Variants in TBC1D5 observed in about 807,000 individuals in gnomAD.
TBC1D5 encodes TBC1 domain family member 5.
In TBC1D5, 75 loss-of-function variants were observed where a neutral mutation model predicts 100.3. That is an observed-to-expected ratio of 0.75 (90% confidence interval 0.62 to 0.91). The LOEUF is 0.91. TBC1D5 is among the 40% of genes least tolerant of loss of function. The pLI is 0.00. For synonymous variants in TBC1D5, 323 were observed against 325.6 expected (o/e 0.99, Z 0.09); for missense variants, 910 against 942.4 (o/e 0.97, Z 0.45).
chr3:17,261,820 G>A (rs1316953605), intron 15 of TBC1D5, among the ~76,000 whole-genome samples: 1 of 150,764 alleles, frequency 6.6e-6, no homozygotes, highest in Non-Finnish European at 1.5e-5. Context: ...ACCACGCTTG[G>A]CTAATATTTG....
intron 4 of TBC1D5, among the ~76,000 whole-genome samples, chr3:17,419,171 G>A (rs114449126): frequency 0.022 from 3,412 of 152,262 alleles, 122 homozygotes; most frequent in African/African-American, 0.077. Flanking sequence ...AAAAACTTTT[G>A]CCAATAACTT....
rs2074164181 is a variant in TBC1D5, at chr3:17,706,344, T to C, written c.-101+32999A>G. On this transcript the variant is annotated intron_variant, in intron 1 of 21. Transcript: ENST00000253692. ...CTGTATACCTTTGTGAAAGAGCACA[T>C]ATTTTATATTTGAAGGAAAGCTAAT... 3.9e-6 allele frequency: 5 copies of C among 1,293,136 alleles called. No homozygotes were observed. The South Asian group carries it at 7.6e-5, about 20-fold the overall frequency. The allele number at this position is 1,293,136 out of a possible 1,614,324, so 80.1% of individuals were successfully genotyped here. A position where few individuals can be genotyped will look rare whatever the true frequency, so the allele number is the denominator to read the frequency against.
chr3:17,192,897 G>T (rs1250660263), intron 18 of TBC1D5, among the ~76,000 whole-genome samples: 1 of 152,232 alleles, frequency 6.6e-6, no homozygotes, highest in African/African-American at 2.4e-5. Context: ...CCGACAGGAT[G>T]GGTTTTCATA....
intron 13 of TBC1D5, among the ~76,000 whole-genome samples, chr3:17,316,138 T>A (rs1043185430): frequency 6.6e-6 from 1 of 152,166 alleles, no homozygotes; most frequent in Admixed American, 6.5e-5. Flanking sequence ...CATTGCCCAT[T>A]TGCATGTTCA....
intron 1 of TBC1D5, among the ~76,000 whole-genome samples, chr3:17,685,536 T>G (rs944849024): frequency 3.4e-4 from 51 of 152,112 alleles, no homozygotes; most frequent in African/African-American, 1.2e-3. Context: ...CGGATTTTGA[T>G]AATTTAAATA....
At chr3:17,178,813 A>ATT (rs201578956) in intron 19 of TBC1D5, among the ~76,000 whole-genome samples, 2 of 146,500 alleles carry the variant, frequency 1.4e-5, no homozygotes, top group East Asian at 2.0e-4. Context: ...CTAATTTTTA[A>ATT]TTTTTTTTTT....
intron 2 of TBC1D5, among the ~76,000 whole-genome samples, chr3:17,544,950 A>C (rs1396412138): frequency 6.6e-6 from 1 of 152,194 alleles, no homozygotes; most frequent in Non-Finnish European, 1.5e-5. Flanking sequence ...CTATACTGAC[A>C]TTAACTGTAG....
chr3:17,449,424 C>T (rs1045304799), intron 3 of TBC1D5, among the ~76,000 whole-genome samples: 3 of 152,066 alleles, frequency 2.0e-5, no homozygotes, highest in East Asian at 1.9e-4. Context: ...AGCCAGGGAG[C>T]CAACTGGTTT....
chr3:17,330,433 A>G (rs1407344590), intron 13 of TBC1D5, among the ~76,000 whole-genome samples: 1 of 152,002 alleles, frequency 6.6e-6, no homozygotes, highest in Non-Finnish European at 1.5e-5. Context: ...CATTCTCTCT[A>G]GCTATCCTTA....
At chr3:17,324,884 G>C (rs1201817542) in intron 13 of TBC1D5, among the ~76,000 whole-genome samples, 4 of 151,954 alleles carry the variant, frequency 2.6e-5, no homozygotes, top group Non-Finnish European at 5.9e-5. Flanking sequence ...TGCAAAAAAC[G>C]GCAATGAGAT....
intron 4 of TBC1D5, among the ~76,000 whole-genome samples, chr3:17,418,966 T>C (rs533212097): frequency 6.6e-5 from 10 of 152,316 alleles, no homozygotes; most frequent in African/African-American, 2.2e-4. Context: ...GGGGCTGATT[T>C]TTCCTATCCT....
chr3:17,394,909 T>C (rs1343689790), intron 8 of TBC1D5, among the ~76,000 whole-genome samples: 1 of 151,916 alleles, frequency 6.6e-6, no homozygotes, highest in African/African-American at 2.4e-5. Flanking sequence ...GCTTTCATAG[T>C]TCATAAACAG....
chr3:17,732,447 G>A (rs752501207), intron 1 of TBC1D5, among the ~76,000 whole-genome samples: 14 of 151,262 alleles, frequency 9.3e-5, no homozygotes, highest in East Asian at 2.0e-4. Context: ...GGCTGGGCAC[G>A]GTGGCTCACG....
intron 3 of TBC1D5, among the ~76,000 whole-genome samples, chr3:17,496,769 A>G (rs760600654): frequency 7.9e-5 from 12 of 152,222 alleles, no homozygotes; most frequent in Non-Finnish European, 1.5e-4. Context: ...CCAAGTCAAA[A>G]GGAAATATAT....
chr3:17,224,453 A>C (rs1329627715), intron 17 of TBC1D5, among the ~76,000 whole-genome samples: 2 of 152,242 alleles, frequency 1.3e-5, no homozygotes, highest in African/African-American at 2.4e-5. Flanking sequence ...AAAATAAAAA[A>C]TTATTGACAA....
At chr3:17,684,152 A>G (rs544382364) in intron 1 of TBC1D5, among the ~76,000 whole-genome samples, 127 of 152,142 alleles carry the variant, frequency 8.3e-4, no homozygotes, top group African/African-American at 2.9e-3. Context: ...AGAAAATGCC[A>G]TATCTAATAG....
chr3:17,411,061 G>C (rs1176635640), intron 4 of TBC1D5, among the ~76,000 whole-genome samples: 6 of 152,030 alleles, frequency 3.9e-5, no homozygotes, highest in African/African-American at 1.2e-4. Context: ...ATACTTCACT[G>C]TTGTGTTTTT....
exon 22 of TBC1D5, chr3:17,160,936 C>T: frequency 6.3e-7 from 1 of 1,597,202 alleles, no homozygotes. Flanking sequence ...TGGCTAGATC[C>T]CTGTGGGGCA....
chr3:17,212,705 C>T (rs1036963820), intron 18 of TBC1D5, among the ~76,000 whole-genome samples: 5 of 150,922 alleles, frequency 3.3e-5, no homozygotes, highest in Admixed American at 6.6e-5. Context: ...TGTGCGTGTC[C>T]GTTTTTAACA....
Sources: gnomAD v4.1 joint callset for allele counts (sites outside exome capture counted in the v4.1 genomes callset) on GRCh38, gnomAD v4.1.1 for gene constraint, MANE v1.5 for transcripts, NCBI Gene and HGNC (gene_info 2026-07-23, HGNC 2026-07-21) for gene names.